The following TUBGCP2 variants were observed in gnomAD, a reference collection of about 807,000 sequenced individuals.
TUBGCP2 encodes tubulin gamma complex component 2.
TUBGCP2 carries 55 observed loss-of-function variants against 92.2 expected under a neutral mutation model. That is an observed-to-expected ratio of 0.60 (90% CI 0.48 to 0.75). The LOEUF is 0.75. Ranked by LOEUF, TUBGCP2 falls within the 30% of genes least tolerant of loss-of-function variation. The pLI, the probability that TUBGCP2 is intolerant of heterozygous loss-of-function variation, is 0.00. For synonymous variants in TUBGCP2, 533 were observed against 505.2 expected, an observed-to-expected ratio of 1.06 and a Z score of -0.74; for missense variants, 1,093 against 1,188.9, an observed-to-expected ratio of 0.92 and a Z score of 1.19.
At chr10:133,310,614 C>G (rs1006590040), upstream of TUBGCP2, 2 of 349,842 alleles carry the variant, frequency 5.7e-6, no homozygotes, top group Non-Finnish European at 1.1e-5. Flanking sequence ...AGCAGTCGGC[C>G]GTGGTCATCC....
In TUBGCP2 at chr10:133,279,752, GTCACAGCCAGGGC is replaced by G; in HGVS notation, c.*1_*13del. The G allele has an allele frequency of 6.5e-7, 1 of 1,548,376 alleles. No individual in the cohort carries two copies. The highest frequency in any genetic ancestry group is 1.4e-5 in the African/African-American group (1 of 73,004). The stretch of plus-strand genomic sequence containing the variant: ...TGCTGACCCCACACCCTTCCTTCCT[GTCACAGCCAGGGC>G]TCACTGTGCGGTGACTGCGACCCTG... On this transcript the variant is annotated 3_prime_UTR_variant, in exon 18 of 18. Transcript: ENST00000252936.
At position 133,293,144 on chromosome 10, in the gene TUBGCP2, C is replaced by T. The variant is rs1372337465; in HGVS notation, c.919G>A (p.Val307Met). ...CTGTGCAGCTGCTCCAGCTGTGACACCAGAATCAGGTGCTCCTTCACCAGG... is the reference window on the plus strand; with the variant it reads ...CTGTGCAGCTGCTCCAGCTGTGACATCAGAATCAGGTGCTCCTTCACCAGG... ...RTLVKEHLIL[V>M]SQLEQLHRQG... is the part of the protein sequence containing the mutation. Residue 307 changes from valine (V) to methionine (M), a missense_variant, in exon 7 of 18, where the codon GTG becomes ATG. Physicochemically the swap from Val to Met is conservative, Grantham distance 21. This residue lies in a region of TUBGCP2 where 490 missense variants were observed against 488.5 expected (regional missense o/e 1.00). Transcript: ENST00000252936. 1 of 1,613,968 alleles carries T rather than the reference C, an allele frequency of 6.2e-7. No individual in the cohort carries two copies. Among genetic ancestry groups the T allele is most frequent in the Non-Finnish European group, 8.5e-7 (1 of 1,180,052 alleles).
chr10:133,292,751 C>A, intron 7 of TUBGCP2, 63 bp from the exon 8 acceptor site: 2 of 1,542,264 alleles, frequency 1.3e-6, no homozygotes, highest in Non-Finnish European at 1.8e-6. Flanking sequence ...CTGCCAACAA[C>A]ACTGCTGGGG....
At chr10:133,298,176 G>A (rs1564771641) in intron 4 of TUBGCP2, 65 bp from the exon 5 acceptor site, 5 of 1,530,506 alleles carry the variant, frequency 3.3e-6, no homozygotes, top group African/African-American at 1.4e-5. Context: ...CTCAACTAAA[G>A]ACATGCATAG....
intron 2 of TUBGCP2, among the ~76,000 whole-genome samples, chr10:133,301,047 T>A (rs1450207045): frequency 6.6e-6 from 1 of 152,238 alleles, no homozygotes. Flanking sequence ...CATCTCACTG[T>A]ATTCCCCGCA....
intron 8 of TUBGCP2, among the ~76,000 whole-genome samples, chr10:133,291,232 A>G (rs1250632367): frequency 3.0e-5 from 4 of 132,492 alleles, no homozygotes; most frequent in Non-Finnish European, 6.1e-5. Flanking sequence ...AGAGGGCAGC[A>G]CGCGCCCTCC....
intron 1 of TUBGCP2, among the ~76,000 whole-genome samples, chr10:133,306,412 G>T (rs1256780367): frequency 6.6e-6 from 1 of 152,184 alleles, no homozygotes; most frequent in Non-Finnish European, 1.5e-5. Flanking sequence ...AAAACCATTT[G>T]CCACCAAAAC....
At chr10:133,305,357 G>A (rs1847785325) in intron 1 of TUBGCP2, among the ~76,000 whole-genome samples, 1 of 152,200 alleles carries the variant, frequency 6.6e-6, no homozygotes, top group African/African-American at 2.4e-5. Flanking sequence ...TGACACACAT[G>A]ACCTTATCAA....
rs1300733680 is a variant in TUBGCP2 at position 133,289,809 on chromosome 10, C to G, written c.1360+15G>C. On this transcript the variant is annotated intron_variant, in intron 9 of 17. Transcript: ENST00000252936. The stretch of plus-strand genomic sequence containing the variant: ...CTGTGCTGCGCACCCCAAGTCCCCG[C>G]CCGCTGCGCCGCACCTGTGCTGAGG... 1 of 1,613,596 alleles carries G rather than the reference C, an allele frequency of 6.2e-7. No individual in the cohort carries two copies. Among genetic ancestry groups the G allele is most frequent in the South Asian group, 1.1e-5 (1 of 91,042 alleles).
chr10:133,287,316 C>T (rs577790654), intron 11 of TUBGCP2, among the ~76,000 whole-genome samples: 2 of 152,196 alleles, frequency 1.3e-5, no homozygotes, highest in Admixed American at 1.3e-4. Context: ...CCCTGCCAAA[C>T]AGCCAAAGAA....
At chr10:133,282,176 A>C in intron 16 of TUBGCP2, 47 bp downstream of exon 16, 1 of 1,609,628 alleles carries the variant, frequency 6.2e-7, no homozygotes, top group South Asian at 1.1e-5. Flanking sequence ...GCTGCCGCCC[A>C]GCCGGGAGGA....
upstream of TUBGCP2, chr10:133,308,911 G>A (rs1277326509): frequency 3.3e-6 from 4 of 1,209,624 alleles, no homozygotes; most frequent in African/African-American, 6.3e-5. Context: ...GCGGACGGTG[G>A]CCGACAGGCT....
Position 133,285,577 on chromosome 10 carries a change from TG to T in TUBGCP2, c.1773del (p.Ile592SerfsTer19). On this transcript the variant is annotated frameshift_variant, in exon 12 of 18. Coordinates refer to ENST00000252936, the MANE Select transcript of TUBGCP2 (RefSeq NM_006659.4). LOFTEE classifies it high-confidence loss of function. The surrounding 1 kb of genome is among the most constrained non-coding windows in gnomAD (Gnocchi z 6.8). The part of the protein sequence containing the change: ...DLITQLLRVL[A>X]IETKQEKAMA... ...ATCGCCTTCTCCTGCTTGGTCTCGA[TG>T]GCCAGGACGCGCAAGAGCTGAGTGA... is the stretch of plus-strand genomic sequence containing the variant. 6.4e-7 allele frequency: 1 copy of T among 1,556,968 alleles called. No individual in the cohort carries two copies. Among genetic ancestry groups the T allele is most frequent in the Non-Finnish European group, 8.7e-7 (1 of 1,149,040 alleles).
rs542535541 is a variant in TUBGCP2, at chr10:133,283,800, G to A, written c.2145+82C>T. The A allele has an allele frequency of 5.4e-4, 846 of 1,569,872 alleles. 1 individual carries two copies. The highest frequency in any genetic ancestry group is 6.7e-4 in the Non-Finnish European group (772 of 1,154,332). On this transcript the variant is annotated intron_variant, in intron 14 of 17. Transcript: ENST00000252936. ...TCCTGCACTCCCTGCCTCTCCCCTC[G>A]CCCTGCCTCTCCTGCACTTCCTGTC...
intron 1 of TUBGCP2, among the ~76,000 whole-genome samples, chr10:133,306,968 C>G (rs986615881): frequency 2.6e-5 from 4 of 152,126 alleles, no homozygotes; most frequent in Admixed American, 6.5e-5. Flanking sequence ...GTCCCTCCCC[C>G]CAGAAGACCT....
rs1479476096 is a variant in TUBGCP2, at chr10:133,279,512, A to G, written c.*254T>C. The G allele has an allele frequency of 3.8e-6, 2 of 532,724 alleles. No homozygotes were observed. The highest frequency in any genetic ancestry group is 6.3e-6 in the Non-Finnish European group (2 of 316,868). 33.0% of individuals were successfully genotyped at this position (532,724 alleles called of 1,614,324 possible). ...CATGTATTTCCACTTTGAGGCCAAA[A>G]ACACCCAAAAAGGTGATAGTGTAAT... On this transcript the variant is annotated 3_prime_UTR_variant, in exon 18 of 18. Coordinates refer to ENST00000252936, the MANE Select transcript of TUBGCP2 (RefSeq NM_006659.4).
At chr10:133,307,542 T>C (rs1847854558) in intron 1 of TUBGCP2, among the ~76,000 whole-genome samples, 1 of 152,246 alleles carries the variant, frequency 6.6e-6, no homozygotes, top group Admixed American at 6.5e-5. Flanking sequence ...CTCAACATTC[T>C]GAGAAATGCC....
upstream of TUBGCP2, chr10:133,309,306 T>A (rs1034695903): frequency 6.7e-7 from 1 of 1,502,342 alleles, no homozygotes; most frequent in East Asian, 2.4e-5. Flanking sequence ...GCGGGATGAC[T>A]GGGGCCACGG....
intron 1 of TUBGCP2, among the ~76,000 whole-genome samples, chr10:133,305,754 G>A (rs1022170267): frequency 4.6e-5 from 7 of 152,074 alleles, no homozygotes; most frequent in African/African-American, 1.4e-4. Flanking sequence ...GGGTATCTCC[G>A]AAAATGGAAG....
Sources: gnomAD v4.1 joint callset for allele counts (sites outside exome capture counted in the v4.1 genomes callset) on GRCh38, gnomAD v4.1.1 for gene constraint, gnomAD v4.1.1 regional missense constraint, Gnocchi (gnomAD v3.1) non-coding constraint, MANE v1.5 for transcripts, NCBI Gene and HGNC (gene_info 2026-07-23, HGNC 2026-07-21) for gene names.